The following GRIA2 variants were observed in gnomAD, a reference collection of about 807,000 sequenced individuals.
GRIA2 encodes the protein glutamate ionotropic receptor AMPA type subunit 2, also known as glutamate receptor 2.
In GRIA2, 14 loss-of-function variants were observed where a neutral mutation model predicts 97.3. The ratio of observed to expected loss-of-function variants is 0.14; its 90% confidence interval spans 0.10 to 0.23. The LOEUF (loss-of-function observed/expected upper bound fraction) is 0.23, where lower values mean the gene tolerates loss of function less well. GRIA2 is among the 10% of genes least tolerant of loss of function. The pLI, the probability that GRIA2 is intolerant of heterozygous loss-of-function variation, is 1.00. For missense variants in GRIA2, 558 were observed against 1,069.8 expected (o/e 0.52, Z 6.67); for synonymous variants, 412 against 387.8 (o/e 1.06, Z -0.73).
At chr4:157,337,515 T>A (rs1560772818) in intron 11 of GRIA2, among the ~76,000 whole-genome samples, 1 of 152,030 alleles carries the variant, frequency 6.6e-6, no homozygotes, top group African/African-American at 2.4e-5. Flanking sequence ...GAGGAATAAA[T>A]CATGATTTTT....
At chr4:157,311,425 C>T (rs1011563797) in intron 3 of GRIA2, among the ~76,000 whole-genome samples, 10 of 152,044 alleles carry the variant, frequency 6.6e-5, no homozygotes, top group African/African-American at 2.4e-4. Context: ...AGAGTTCCTT[C>T]CCTTCTGGTG....
chr4:157,221,095 T>C lies in GRIA2; in HGVS notation c.53T>C (p.Leu18Pro). The C allele has an allele frequency of 6.3e-7, 1 of 1,587,376 alleles. No individual in the cohort carries two copies. Among genetic ancestry groups the C allele is most frequent in the East Asian group, 2.2e-5 (1 of 44,752 alleles). The change falls in exon 1 of 16, where the codon CTG becomes CCG. Residue 18 changes from leucine (L) to proline (P), a missense_variant. By Grantham distance (98) the Leu-to-Pro change is moderately conservative. Transcript: ENST00000264426. Reference sequence around the variant, plus strand: ...CTCCTTTCTCCTGTTTTATGGGGACTGATTTTTGGTGTCTCTTCTAACAGC... The same window carrying C: ...CTCCTTTCTCCTGTTTTATGGGGACCGATTTTTGGTGTCTCTTCTAACAGC... The part of the protein sequence containing the change: ...SVLLSPVLWG[L>P]IFGVSSNSIQ...
At chr4:157,258,685 T>C (rs1358428808) in intron 2 of GRIA2, among the ~76,000 whole-genome samples, 1 of 152,082 alleles carries the variant, frequency 6.6e-6, no homozygotes, top group East Asian at 1.9e-4. Context: ...AAATCACTAA[T>C]AAAAACTTGC....
At chr4:157,357,457 T>A (rs1736433511) in intron 12 of GRIA2, among the ~76,000 whole-genome samples, 1 of 152,096 alleles carries the variant, frequency 6.6e-6, no homozygotes, top group Non-Finnish European at 1.5e-5. Flanking sequence ...GAGGAAAAAT[T>A]GTCTATCTTA....
intron 12 of GRIA2, among the ~76,000 whole-genome samples, chr4:157,355,923 T>TTTATATAAA (rs1736290476): frequency 1.5e-5 from 1 of 67,092 alleles, no homozygotes. Context: ...ATTAATATAT[T>TTTATATAAA]TATATATATT....
chr4:157,327,566 CT>C (rs1302940294), intron 6 of GRIA2, among the ~76,000 whole-genome samples: 2 of 152,158 alleles, frequency 1.3e-5, no homozygotes, highest in East Asian at 3.9e-4. Flanking sequence ...ATGAATATTT[CT>C]ATTTTTAGAC....
At chr4:157,284,853 G>T (rs1219506582) in intron 2 of GRIA2, among the ~76,000 whole-genome samples, 1 of 151,628 alleles carries the variant, frequency 6.6e-6, no homozygotes, top group Non-Finnish European at 1.5e-5. Flanking sequence ...GGTGGTTTGT[G>T]GATGGGTGTT....
chr4:157,249,851 G>T (rs1352029788), intron 2 of GRIA2: 1 of 152,174 alleles, frequency 6.6e-6, no homozygotes, highest in Admixed American at 6.5e-5. Flanking sequence ...CACCATTTTA[G>T]TGGTAAGCCC....
chr4:157,307,812 A>T (rs1200388507), intron 3 of GRIA2, among the ~76,000 whole-genome samples: 1 of 152,152 alleles, frequency 6.6e-6, no homozygotes, highest in Non-Finnish European at 1.5e-5. Context: ...TTGTCCTCTG[A>T]AGGGAAGGCA....
At chr4:157,301,957 G>C (rs1434880751) in intron 2 of GRIA2, among the ~76,000 whole-genome samples, 1 of 151,806 alleles carries the variant, frequency 6.6e-6, no homozygotes, top group Admixed American at 6.6e-5. Flanking sequence ...GGTGGATCAC[G>C]AGGTCAGGAG....
At position 157,289,559 on chromosome 4, in the gene GRIA2, T is replaced by C. The variant is rs1251394326; in HGVS notation, c.230-13993T>C. Among the ~76,000 whole-genome samples, 5 of 152,024 alleles carry C rather than the reference T, an allele frequency of 3.3e-5. No homozygotes were observed. The East Asian group carries it at 7.8e-4, about 24-fold the overall frequency. ...TTCTTAAGAAGTCCTGGTTGTGTCATGAAAGGCATATATCAATACTTATCT... is the reference window on the plus strand; with the variant it reads ...TTCTTAAGAAGTCCTGGTTGTGTCACGAAAGGCATATATCAATACTTATCT... On this transcript the variant is annotated intron_variant, in intron 2 of 15. Transcript: ENST00000264426.
chr4:157,343,601 G>T (rs1020089847), intron 12 of GRIA2, among the ~76,000 whole-genome samples: 2 of 152,042 alleles, frequency 1.3e-5, no homozygotes, highest in African/African-American at 2.4e-5. Context: ...TTGATGAAAT[G>T]ACATTGGCTA....
Position 157,274,100 on chromosome 4 carries a change from GTGTAGAT to G in GRIA2, c.230-29450_230-29444del, listed in dbSNP as rs376746464. On this transcript the variant is annotated intron_variant, in intron 2 of 15. Transcript: ENST00000264426. ...AGTGTTGAGAGAAACAAAACCACTA[GTGTAGAT>G]TTATGTATTCTGCCAAATTATCATT... 1.3e-4 allele frequency among the ~76,000 whole-genome samples: 20 copies of G among 152,138 alleles called. No homozygotes were observed. The East Asian group carries it at 3.9e-3, about 30-fold the overall frequency.
intron 6 of GRIA2, among the ~76,000 whole-genome samples, chr4:157,332,134 G>C (rs897855112): frequency 2.6e-5 from 4 of 152,040 alleles, no homozygotes; most frequent in Non-Finnish European, 5.9e-5. Flanking sequence ...ACAATGCCTT[G>C]TACACATGTA....
At chr4:157,289,079 C>T (rs1732974148) in intron 2 of GRIA2, among the ~76,000 whole-genome samples, 1 of 151,768 alleles carries the variant, frequency 6.6e-6, no homozygotes, top group Non-Finnish European at 1.5e-5. Flanking sequence ...TGGAGCTCTG[C>T]TGTGACCAAT....
intron 2 of GRIA2, among the ~76,000 whole-genome samples, chr4:157,268,082 A>G (rs1483255238): frequency 6.6e-6 from 1 of 152,128 alleles, no homozygotes; most frequent in Non-Finnish European, 1.5e-5. Flanking sequence ...AATTTATGAA[A>G]TATTAACTAA....
intron 1 of GRIA2, 69 bp from the exon 2 acceptor site, chr4:157,221,598 A>G (rs1729496746): frequency 6.7e-7 from 1 of 1,498,160 alleles, no homozygotes; most frequent in Non-Finnish European, 9.2e-7. Flanking sequence ...TTTGGGCGCT[A>G]GCGCGCGCCC....
intron 2 of GRIA2, among the ~76,000 whole-genome samples, chr4:157,299,486 CA>C (rs924283021): frequency 1.1e-4 from 16 of 151,696 alleles, no homozygotes; most frequent in Non-Finnish European, 1.9e-4. Flanking sequence ...ATATGTAAAA[CA>C]AAAAAAACAT....
At chr4:157,233,715 AACC>A in intron 2 of GRIA2, among the ~76,000 whole-genome samples, 1 of 152,128 alleles carries the variant, frequency 6.6e-6, no homozygotes, top group African/African-American at 2.4e-5. Flanking sequence ...ATAAAACCTA[AACC>A]CCATGCTCAA....
Sources: allele counts gnomAD v4.1 joint callset (sites outside exome capture counted in the v4.1 genomes callset), GRCh38; gene constraint gnomAD v4.1.1; transcripts MANE v1.5; gene names NCBI Gene and HGNC (gene_info 2026-07-23, HGNC 2026-07-21).